MRTO4: variants seen among roughly 807,000 people sequenced by gnomAD.
MRTO4 encodes MRT4 homolog, ribosome maturation factor.
Under a neutral mutation model 28.6 loss-of-function variants are expected in MRTO4, and 7 were observed. The observed-to-expected ratio is 0.24, with a 90% CI of 0.14 to 0.46. The LOEUF (loss-of-function observed/expected upper bound fraction) is 0.46. Among genes scored for constraint, MRTO4 ranks in the 20% least tolerant of loss-of-function variants. The pLI is 0.99. For synonymous variants in MRTO4, 113 were observed against 108.2 expected (o/e 1.04, Z -0.27); for missense variants, 302 against 298.3 (o/e 1.01, Z -0.09).
At position 19,259,424 on chromosome 1, in the gene MRTO4, A is replaced by T. The variant is rs1280861763; in HGVS notation, c.*594A>T. ...GCAAGATCCCGTCTCTACAAAAAAT[A>T]AAAAAAAATTAGTCGTGGTGCCACT... is the stretch of plus-strand genomic sequence containing the variant. On this transcript the variant is annotated 3_prime_UTR_variant, in exon 8 of 8. Coordinates refer to ENST00000330263, the MANE Select transcript of MRTO4 (RefSeq NM_016183.4). The T allele has an allele frequency of 1.3e-5, 2 of 151,716 alleles. No homozygotes were observed. The highest frequency in any genetic ancestry group is 2.4e-5 in the African/African-American group (1 of 41,304). 9.4% of individuals were successfully genotyped at this position (151,716 alleles called of 1,614,324 possible). A position where few individuals can be genotyped will look rare whatever the true frequency, so the allele number is the denominator to read the frequency against.
rs982147658 is a variant in MRTO4 at position 19,259,065 on chromosome 1, A to G, written c.*235A>G. 1.4e-5 allele frequency: 6 copies of G among 442,688 alleles called. No individual in the cohort carries two copies. In the East Asian group the frequency reaches 1.5e-4, roughly 11 times the overall value. The allele number at this position is 442,688 out of a possible 1,614,324, so 27.4% of individuals were successfully genotyped here. A position where few individuals can be genotyped will look rare whatever the true frequency, so the allele number is the denominator to read the frequency against. ...ATCATAAGGTCGGGAGATTAAGACC[A>G]TCCTGGCTAACACGGTGAAACCCCG... On this transcript the variant is annotated 3_prime_UTR_variant, in exon 8 of 8. Transcript: ENST00000330263.
In MRTO4 at chr1:19,257,500, G is replaced by T. The variant is rs114437725; in HGVS notation, c.320G>T (p.Arg107Leu). 6.2e-7 allele frequency: 1 copy of T among 1,614,068 alleles called. No homozygotes were observed. The highest frequency in any genetic ancestry group is 2.2e-5 in the East Asian group (1 of 44,896). Residue 107 changes from arginine to leucine, a missense_variant, in exon 5 of 8, where the codon CGC (arginine) becomes CTC (leucine). Transcript: ENST00000330263. ...RGEVGLLFTN[R>L]TKEEVNEWFT... The stretch of plus-strand genomic sequence containing the variant: ...GAGGTGGGTCTCCTGTTCACCAACC[G>T]CACAAAGGAGGAGGTGAATGAGTAA...
intron 1 of MRTO4, chr1:19,252,187 G>C (rs1267057818): frequency 7.3e-6 from 3 of 412,808 alleles, no homozygotes; most frequent in African/African-American, 2.1e-5. Context: ...TCCCAACTTC[G>C]GCCCTTTCTC....
chr1:19,255,901 G>A (rs369977727), intron 2 of MRTO4, 47 bp from the exon 3 acceptor site: 18 of 1,519,342 alleles, frequency 1.2e-5, no homozygotes, highest in African/African-American at 9.6e-5. Context: ...AGTAGTGCCC[G>A]TTGTATGCTG....
At chr1:19,254,672 C>A in intron 1 of MRTO4, 110 bp from the exon 2 acceptor site, 1 of 924,566 alleles carries the variant, frequency 1.1e-6, no homozygotes, top group Non-Finnish European at 1.8e-6. Flanking sequence ...TGCCTTTTTT[C>A]AGAATGGCTG....
In MRTO4 at chr1:19,258,864, T is replaced by G. The variant is rs184816932; in HGVS notation, c.*34T>G. The G allele has an allele frequency of 1.9e-6, 3 of 1,606,142 alleles. No homozygotes were observed. The highest frequency in any genetic ancestry group is 4.5e-5 in the East Asian group (2 of 44,726). On this transcript the variant is annotated 3_prime_UTR_variant, in exon 8 of 8. Transcript: ENST00000330263. ...CGGGACTGAAGGTCTCCTGGAAGCTTCTGGGTCTCACTGGACCATCAGGAC... is the reference window on the plus strand; with the variant it reads ...CGGGACTGAAGGTCTCCTGGAAGCTGCTGGGTCTCACTGGACCATCAGGAC...
At chr1:19,256,658 G>A (rs1036048810) in intron 3 of MRTO4, among the ~76,000 whole-genome samples, 7 of 152,204 alleles carry the variant, frequency 4.6e-5, no homozygotes, top group African/African-American at 1.7e-4. Flanking sequence ...GTTTTAGAAT[G>A]TCAGTAGGGA....
chr1:19,258,935 C>G lies in MRTO4; in HGVS notation c.*105C>G. The G allele has an allele frequency of 1.5e-6, 2 of 1,346,388 alleles. No individual in the cohort carries two copies. The highest frequency in any genetic ancestry group is 2.0e-6 in the Non-Finnish European group (2 of 1,006,046). 83.4% of individuals were successfully genotyped at this position (1,346,388 alleles called of 1,614,324 possible). ...GAGCAGCTTTTTATTTGTCTGTAGA[C>G]AGGGAACATGATGGGCACTGACCTC... is the stretch of plus-strand genomic sequence containing the variant. On this transcript the variant is annotated 3_prime_UTR_variant, in exon 8 of 8. Coordinates refer to ENST00000330263, the MANE Select transcript of MRTO4 (RefSeq NM_016183.4).
chr1:19,256,064 G>T lies in MRTO4; in HGVS notation c.191+13G>T, dbSNP rs774133976. On this transcript the variant is annotated intron_variant, in intron 3 of 7. Transcript: ENST00000330263. Reference sequence around the variant, plus strand: ...GGAAGCACAGCCGGTGAGCGGGCAGGGGGAGGAAGGCCCTTCTGAGTGGGG... The same window carrying T: ...GGAAGCACAGCCGGTGAGCGGGCAGTGGGAGGAAGGCCCTTCTGAGTGGGG... 1.4e-5 allele frequency: 23 copies of T among 1,612,446 alleles called. No individual in the cohort carries two copies. Among genetic ancestry groups the T allele is most frequent in the Non-Finnish European group, 2.5e-6 (3 of 1,178,714 alleles).
intron 1 of MRTO4, among the ~76,000 whole-genome samples, chr1:19,253,692 T>TA (rs752240468): frequency 6.6e-5 from 10 of 152,346 alleles, no homozygotes; most frequent in East Asian, 1.9e-4. Flanking sequence ...CTGCTCCACT[T>TA]ACCATTGACT....
rs374201110 is a variant in MRTO4, at chr1:19,258,835, G to T, written c.*5G>T. On this transcript the variant is annotated 3_prime_UTR_variant, in exon 8 of 8. Transcript: ENST00000330263. The stretch of plus-strand genomic sequence containing the variant: ...GACTCAGAAGATGATGACTGAAAGG[G>T]ACTCGGGACTGAAGGTCTCCTGGAA... The T allele has an allele frequency of 3.7e-4, 595 of 1,613,430 alleles. 3 individuals are homozygous for T. Among genetic ancestry groups the T allele is most frequent in the South Asian group, 1.7e-3 (157 of 90,980 alleles).
Position 19,258,825 on chromosome 1 carries a change from G to A in MRTO4, c.715G>A (p.Asp239Asn). 2 of 1,613,886 alleles carry A rather than the reference G, an allele frequency of 1.2e-6. No individual in the cohort carries two copies. Among genetic ancestry groups the A allele is most frequent in the East Asian group, 2.2e-5 (1 of 44,878 alleles). ...STEESDSEDD[D>N] is the part of the protein sequence containing the mutation. ...AGAAGAGTCAGACTCAGAAGATGAT[G>A]ACTGAAAGGGACTCGGGACTGAAGG... Residue 239 changes from aspartate to asparagine, a missense_variant, in exon 8 of 8, where the codon GAC becomes AAC. By Grantham distance (23) the Asp-to-Asn change is conservative. Transcript: ENST00000330263.
In MRTO4 at chr1:19,257,907, C is replaced by T; in HGVS notation, c.416C>T (p.Pro139Leu). 6.2e-7 allele frequency: 1 copy of T among 1,614,174 alleles called. No individual in the cohort carries two copies. The highest frequency in any genetic ancestry group is 8.5e-7 in the Non-Finnish European group (1 of 1,180,036). ...NKAAFTVSLDPGPLEQFPHSM... is the reference protein window; with the variant it reads ...NKAAFTVSLDLGPLEQFPHSM... ...GCAGCTTTCACTGTGAGCCTGGATC[C>T]AGGGCCCCTGGAGCAGTTCCCCCAC... The change falls in exon 6 of 8, where the codon CCA becomes CTA. Residue 139 changes from proline (P) to leucine (L), a missense_variant. Physicochemically the swap from Pro to Leu is moderately conservative, Grantham distance 98. Transcript: ENST00000330263.
At chr1:19,251,884 G>A (rs918166157) in intron 1 of MRTO4, 21 bp downstream of exon 1, 1 of 1,589,280 alleles carries the variant, frequency 6.3e-7, no homozygotes, top group Admixed American at 1.8e-5. Context: ...GGGGAGTCGG[G>A]ACCCTGGGGG....
chr1:19,257,841 C>G lies in MRTO4; in HGVS notation c.350C>G (p.Thr117Arg). ...CTTCTCTTTTCCCTTAGGTGGTTCA[C>G]GAAATACACAGAAATGGACTACGCC... ...RTKEEVNEWF[T>R]KYTEMDYARA... Residue 117 changes from threonine to arginine, a missense_variant, in exon 6 of 8, where the codon ACG (threonine) becomes AGG (arginine). Physicochemically the swap from Thr to Arg is moderately conservative, Grantham distance 71. Transcript: ENST00000330263. 1 of 1,612,852 alleles carries G rather than the reference C, an allele frequency of 6.2e-7. No homozygotes were observed. Among genetic ancestry groups the G allele is most frequent in the South Asian group, 1.1e-5 (1 of 91,018 alleles).
In MRTO4 at chr1:19,258,822, G is replaced by C; in HGVS notation, c.712G>C (p.Asp238His). 1.2e-6 allele frequency: 2 copies of C among 1,614,044 alleles called. No individual in the cohort carries two copies. Among genetic ancestry groups the C allele is most frequent in the Non-Finnish European group, 1.7e-6 (2 of 1,179,992 alleles). ...CACAGAAGAGTCAGACTCAGAAGAT[G>C]ATGACTGAAAGGGACTCGGGACTGA... ...ESTEESDSED[D>H]D Residue 238 changes from aspartate (D) to histidine (H), a missense_variant, in exon 8 of 8, where the codon GAT becomes CAT. Physicochemically the swap from Asp to His is moderately conservative, Grantham distance 81. Transcript: ENST00000330263.
At chr1:19,253,670 G>C (rs564078247) in intron 1 of MRTO4, among the ~76,000 whole-genome samples, 1 of 152,184 alleles carries the variant, frequency 6.6e-6, no homozygotes, top group Non-Finnish European at 1.5e-5. Flanking sequence ...GCTATATTTC[G>C]TTTGCCCTCC....
At chr1:19,256,582 G>A (rs2093671874) in intron 3 of MRTO4, among the ~76,000 whole-genome samples, 1 of 152,240 alleles carries the variant, frequency 6.6e-6, no homozygotes, top group Non-Finnish European at 1.5e-5. Flanking sequence ...ATGTTTGAGA[G>A]GTGGGCCTTT....
At chr1:19,253,814 G>A (rs1405409635) in intron 1 of MRTO4, among the ~76,000 whole-genome samples, 1 of 152,190 alleles carries the variant, frequency 6.6e-6, no homozygotes, top group Non-Finnish European at 1.5e-5. Flanking sequence ...TTTGCAGTTG[G>A]AGTTCTGTTA....
Sources: gnomAD v4.1 joint callset for allele counts (sites outside exome capture counted in the v4.1 genomes callset) on GRCh38, gnomAD v4.1.1 for gene constraint, MANE v1.5 for transcripts, NCBI Gene and HGNC (gene_info 2026-07-23, HGNC 2026-07-21) for gene names.